Variants in SCCPDH observed in about 807,000 individuals in gnomAD.
SCCPDH encodes saccharopine dehydrogenase-like oxidoreductase.
A neutral mutation model predicts 51.5 loss-of-function variants in SCCPDH; 34 were observed. That is an observed-to-expected ratio of 0.66 (90% confidence interval 0.50 to 0.88). SCCPDH has a LOEUF of 0.88. Among genes scored for constraint, SCCPDH ranks in the 40% least tolerant of loss-of-function variants. SCCPDH has a pLI of 0.00. For missense variants in SCCPDH, 464 were observed against 527.1 expected, an observed-to-expected ratio of 0.88 and a Z score of 1.17; for synonymous variants, 187 against 191.3, an observed-to-expected ratio of 0.98 and a Z score of 0.19.
At chr1:246,747,626 A>G (rs1572300246) in intron 5 of SCCPDH, among the ~76,000 whole-genome samples, 1 of 152,322 alleles carries the variant, frequency 6.6e-6, no homozygotes, top group East Asian at 1.9e-4. Context: ...ACACCTGAAC[A>G]AGGGAGGGGA....
intron 2 of SCCPDH, among the ~76,000 whole-genome samples, chr1:246,732,192 T>A (rs879584562): frequency 6.6e-6 from 1 of 152,144 alleles, no homozygotes. Flanking sequence ...TAACAATTTG[T>A]TATGTATTTG....
chr1:246,745,705 G>GT (rs1668748365), intron 5 of SCCPDH, among the ~76,000 whole-genome samples: 1 of 152,196 alleles, frequency 6.6e-6, no homozygotes, highest in African/African-American at 2.4e-5. Context: ...TCAGATTAAC[G>GT]TAAAGAGGTA....
intron 1 of SCCPDH, 97 bp from the exon 2 acceptor site, chr1:246,726,795 T>C (rs1668406206): frequency 5.1e-6 from 4 of 790,240 alleles, no homozygotes; most frequent in Non-Finnish European, 8.5e-6. Context: ...TATCAGTGTA[T>C]TTAGTAATTT....
At chr1:246,725,537 C>T (rs1668383402) in intron 1 of SCCPDH, among the ~76,000 whole-genome samples, 1 of 152,126 alleles carries the variant, frequency 6.6e-6, no homozygotes, top group Admixed American at 6.5e-5. Flanking sequence ...GGAAATACTA[C>T]ATTCTTTCTG....
At chr1:246,767,143 G>T in intron 11 of SCCPDH, 52 bp from the exon 12 acceptor site, 2 of 1,274,194 alleles carry the variant, frequency 1.6e-6, no homozygotes, top group East Asian at 2.5e-5. Flanking sequence ...CTGTGAAATA[G>T]GAGACTGGAG....
intron 7 of SCCPDH, among the ~76,000 whole-genome samples, chr1:246,759,445 C>T (rs1177354006): frequency 2.0e-5 from 3 of 152,192 alleles, no homozygotes; most frequent in African/African-American, 4.8e-5. Context: ...GTTTCAGTTG[C>T]TAGAAACTCT....
intron 2 of SCCPDH, 112 bp downstream of exon 2, chr1:246,727,116 C>A: frequency 2.4e-6 from 2 of 839,340 alleles, no homozygotes; most frequent in South Asian, 1.6e-5. Context: ...AGGCCTTAAC[C>A]CCATATGGGG....
chr1:246,754,234 G>A (rs61852490), intron 5 of SCCPDH, among the ~76,000 whole-genome samples: 17,592 of 151,926 alleles, frequency 0.12, 2,024 homozygotes, highest in African/African-American at 0.3. Context: ...TCGCTGCGGT[G>A]TGTGATGATC....
intron 2 of SCCPDH, among the ~76,000 whole-genome samples, chr1:246,729,803 T>C (rs892917576): frequency 2.6e-5 from 4 of 151,630 alleles, no homozygotes; most frequent in African/African-American, 9.7e-5. Context: ...TGTCCAGAGA[T>C]TGCAGTAAAG....
chr1:246,765,630 C>T (rs376733880), intron 10 of SCCPDH, among the ~76,000 whole-genome samples: 18 of 152,052 alleles, frequency 1.2e-4, no homozygotes, highest in Admixed American at 3.3e-4. Flanking sequence ...AGATAGGGAT[C>T]GGCTCAGTGT....
At chr1:246,761,485 C>G (rs1466274411) in intron 9 of SCCPDH, among the ~76,000 whole-genome samples, 1 of 152,182 alleles carries the variant, frequency 6.6e-6, no homozygotes, top group Non-Finnish European at 1.5e-5. Context: ...GCAGCCATCA[C>G]CACCATCCAT....
intron 4 of SCCPDH, among the ~76,000 whole-genome samples, chr1:246,740,797 TGAGCAG>T (rs1427565011): frequency 6.6e-6 from 1 of 152,180 alleles, no homozygotes; most frequent in African/African-American, 2.4e-5. Context: ...GAAAATTACC[TGAGCAG>T]GGTGTGGTGG....
intron 11 of SCCPDH, 48 bp downstream of exon 11, chr1:246,766,187 T>C: frequency 8.0e-7 from 1 of 1,250,208 alleles, no homozygotes. Context: ...ATCTATGTTA[T>C]ATTTTAGCTT....
At chr1:246,751,645 C>T (rs978827738) in intron 5 of SCCPDH, among the ~76,000 whole-genome samples, 6 of 152,172 alleles carry the variant, frequency 3.9e-5, no homozygotes, top group Admixed American at 1.3e-4. Context: ...ACATTTTTCA[C>T]GACTTTCACA....
intron 1 of SCCPDH, among the ~76,000 whole-genome samples, chr1:246,725,213 T>G (rs1668375124): frequency 6.6e-6 from 1 of 152,328 alleles, no homozygotes; most frequent in Non-Finnish European, 1.5e-5. Flanking sequence ...ACGTATTCTC[T>G]AAGCATTCAG....
At chr1:246,725,373 G>A (rs1028511548) in intron 1 of SCCPDH, among the ~76,000 whole-genome samples, 5 of 152,108 alleles carry the variant, frequency 3.3e-5, no homozygotes, top group Non-Finnish European at 5.9e-5. Context: ...GACCTGTCCC[G>A]AGTCTGGGGT....
chr1:246,764,731 A>T (rs567709130), intron 10 of SCCPDH, among the ~76,000 whole-genome samples: 16 of 152,266 alleles, frequency 1.1e-4, no homozygotes, highest in Non-Finnish European at 1.9e-4. Context: ...ACACCCTGAC[A>T]TTGTTTGTAA....
At chr1:246,741,459 A>G (rs1668675269) in intron 4 of SCCPDH, among the ~76,000 whole-genome samples, 1 of 151,896 alleles carries the variant, frequency 6.6e-6, no homozygotes, top group South Asian at 2.1e-4. Flanking sequence ...ACCATACTCA[A>G]CTAATTTTAT....
At chr1:246,762,972 A>G (rs557472396) in intron 9 of SCCPDH, among the ~76,000 whole-genome samples, 5 of 152,168 alleles carry the variant, frequency 3.3e-5, no homozygotes, top group South Asian at 2.1e-4. Context: ...GTGGTTCCCA[A>G]CTTTGGAAGA....
Sources: gnomAD v4.1 joint callset for allele counts (sites outside exome capture counted in the v4.1 genomes callset) on GRCh38, gnomAD v4.1.1 for gene constraint, MANE v1.5 for transcripts, NCBI Gene and HGNC (gene_info 2026-07-23, HGNC 2026-07-21) for gene names.